The following PCDHGB1 variants were observed in gnomAD, a reference collection of about 807,000 sequenced individuals.
PCDHGB1 encodes protocadherin gamma-B1.
In PCDHGB1, 34 loss-of-function variants were observed where a neutral mutation model predicts 56.6. The observed-to-expected ratio is 0.60, with a 90% CI of 0.46 to 0.80. The LOEUF is 0.80. Among genes scored for constraint, PCDHGB1 ranks in the 30% least tolerant of loss-of-function variants. The probability of loss-of-function intolerance (pLI) is 0.00; values close to 1 mark genes in which losing one functional copy is unlikely to be tolerated. For synonymous variants in PCDHGB1, 561 were observed against 505.9 expected (o/e 1.11, Z -1.46); for missense variants, 1,278 against 1,204.6 (o/e 1.06, Z -0.90).
In PCDHGB1 at chr5:141,360,676, G is replaced by T. The variant is rs993703325; in HGVS notation, c.2409+8007G>T. The T allele has an allele frequency of 8.1e-6, 13 of 1,613,834 alleles. No individual in the cohort carries two copies. Among genetic ancestry groups the T allele is most frequent in the African/African-American group, 1.3e-5 (1 of 74,924 alleles). On this transcript the variant is annotated intron_variant, in intron 1 of 3. Transcript: ENST00000523390. ...TAATGACAACGAGTACTTTGATCTC[G>T]CTGAGAAACAGACTCCAGATGGTCG...
At chr5:141,423,940 G>T in intron 1 of PCDHGB1, 1 of 1,217,216 alleles carries the variant, frequency 8.2e-7, no homozygotes, top group Non-Finnish European at 1.0e-6. Context: ...TTTGAAGTAA[G>T]TTGAATTTTA....
At position 141,476,112 on chromosome 5, in the gene PCDHGB1, G is replaced by A. The variant is rs1201449171; in HGVS notation, c.2410-18695G>A. 2.5e-6 allele frequency: 4 copies of A among 1,590,646 alleles called. No homozygotes were observed. Among genetic ancestry groups the A allele is most frequent in the Non-Finnish European group, 2.6e-6 (3 of 1,170,830 alleles). ...CCCCGCTGAGAGGAACTGCTTTTGA[G>A]TGAGATGGTCCCAGAGGCCTGGAGG... On this transcript the variant is annotated intron_variant, in intron 1 of 3. Transcript: ENST00000523390. The surrounding 1 kb of genome is among the most constrained non-coding windows in gnomAD (Gnocchi z 7.6).
rs752412467 is a variant in PCDHGB1 at position 141,405,390 on chromosome 5, TTTTC to T, written c.2409+52733_2409+52736del. On this transcript the variant is annotated intron_variant, in intron 1 of 3. Transcript: ENST00000523390. ...CCTTTGGTTCCGGTGAGTTCATTTTTTTTCTTTCTTTCTTTTCTTTTTTTGTTTT... is the reference window on the plus strand; with the variant it reads ...CCTTTGGTTCCGGTGAGTTCATTTTTTTTCTTTCTTTTCTTTTTTTGTTTT... 1.6e-5 allele frequency: 26 copies of T among 1,600,118 alleles called. No homozygotes were observed. The East Asian group carries it at 1.8e-4, about 11-fold the overall frequency.
At position 141,414,719 on chromosome 5, in the gene PCDHGB1, C is replaced by T. The variant is rs1361757630; in HGVS notation, c.2409+62050C>T. On this transcript the variant is annotated intron_variant, in intron 1 of 3. Transcript: ENST00000523390. ...TCATACATATCCATCAACTCAGACA[C>T]TGGCGTCCTGTATGCACTCAGATCC... The T allele has an allele frequency of 1.2e-6, 2 of 1,614,050 alleles. No individual in the cohort carries two copies. Among genetic ancestry groups the T allele is most frequent in the African/African-American group, 1.3e-5 (1 of 74,934 alleles).
At position 141,490,982 on chromosome 5, in the gene PCDHGB1, G is replaced by T; in HGVS notation, c.2410-3825G>T. ...CACTCAGCCCCCCAGCGTCTCCCTC[G>T]CTCTGCTCCTCCTGGCTCCTTGGTC... On this transcript the variant is annotated intron_variant, in intron 1 of 3. Coordinates refer to ENST00000523390, the MANE Select transcript of PCDHGB1 (RefSeq NM_018922.3). This position sits in a 1 kb window ranked among gnomAD's most constrained non-coding sequence, Gnocchi z 5.4. 1.2e-6 allele frequency: 2 copies of T among 1,613,994 alleles called. No individual in the cohort carries two copies. The highest frequency in any genetic ancestry group is 1.7e-6 in the Non-Finnish European group (2 of 1,180,002).
chr5:141,357,368 G>T, intron 1 of PCDHGB1: 1 of 1,614,156 alleles, frequency 6.2e-7, no homozygotes, highest in Non-Finnish European at 8.5e-7. Context: ...CACAAGTCAC[G>T]CCTGCTTCAC....
At chr5:141,404,580 G>C (rs769739876) in intron 1 of PCDHGB1, 2 of 1,613,866 alleles carry the variant, frequency 1.2e-6, no homozygotes, top group Non-Finnish European at 1.7e-6. Context: ...CCACCACTTA[G>C]CAGCAATGTG....
intron 1 of PCDHGB1, chr5:141,410,478 C>T (rs767257836): frequency 1.9e-6 from 3 of 1,613,992 alleles, no homozygotes; most frequent in Non-Finnish European, 2.5e-6. Flanking sequence ...ATTGCACATA[C>T]GGGTACAAAA....
intron 1 of PCDHGB1, chr5:141,415,325 C>G: frequency 6.2e-7 from 1 of 1,614,212 alleles, no homozygotes; most frequent in Non-Finnish European, 8.5e-7. Flanking sequence ...GTGCTGCTGG[C>G]GCACAGGCTG....
intron 1 of PCDHGB1, among the ~76,000 whole-genome samples, chr5:141,363,487 A>G (rs1467927286): frequency 6.6e-6 from 1 of 152,248 alleles, no homozygotes; most frequent in African/African-American, 2.4e-5. Context: ...TGCATGGATG[A>G]TGAAATAAAA....
At chr5:141,376,200 C>A (rs1220789915) in intron 1 of PCDHGB1, 2 of 1,614,086 alleles carry the variant, frequency 1.2e-6, no homozygotes, top group Non-Finnish European at 1.7e-6. Context: ...GTCTTCCTGG[C>A]CTTCGTCATC....
intron 1 of PCDHGB1, chr5:141,377,028 G>A (rs776077319): frequency 2.5e-4 from 39 of 154,858 alleles, no homozygotes; most frequent in Admixed American, 6.4e-5. Context: ...ATTCAAGATT[G>A]TCTTTGATTA....
chr5:141,357,725 T>TTCTATAAAGCAA, intron 1 of PCDHGB1: 9 of 1,394,618 alleles, frequency 6.5e-6, no homozygotes, highest in Middle Eastern at 3.8e-4. Flanking sequence ...GTTGCCTCTT[T>TTCTATAAAGCAA]TAATATTTTA....
intron 1 of PCDHGB1, chr5:141,424,728 G>A (rs907091181): frequency 1.3e-5 from 2 of 152,102 alleles, no homozygotes; most frequent in African/African-American, 2.4e-5. Flanking sequence ...GGGAGTCATA[G>A]ATTCCTTCTT....
At chr5:141,414,844 C>T (rs769714220) in intron 1 of PCDHGB1, 3 of 1,614,216 alleles carry the variant, frequency 1.9e-6, no homozygotes, top group South Asian at 2.2e-5. Flanking sequence ...CCTGTTTGTG[C>T]TGGACCAGAA....
chr5:141,476,553 A>G lies in PCDHGB1; in HGVS notation c.2410-18254A>G. On this transcript the variant is annotated intron_variant, in intron 1 of 3. Coordinates refer to ENST00000523390, the MANE Select transcript of PCDHGB1 (RefSeq NM_018922.3). The surrounding 1 kb of genome is among the most constrained non-coding windows in gnomAD (Gnocchi z 7.6). ...CAGGAAATGAAATTGGAGATTAGCG[A>G]GGCCGTGGCTCCGGGGACGCGCTTT... The G allele has an allele frequency of 1.2e-6, 2 of 1,614,226 alleles. No homozygotes were observed. The highest frequency in any genetic ancestry group is 1.7e-6 in the Non-Finnish European group (2 of 1,180,040).
At chr5:141,361,031 G>A (rs756552774) in intron 1 of PCDHGB1, 27 of 1,613,172 alleles carry the variant, frequency 1.7e-5, no homozygotes, top group Non-Finnish European at 2.1e-5. Context: ...GAAAAAACAG[G>A]AGAAATCACG....
intron 1 of PCDHGB1, chr5:141,427,298 G>C (rs960474831): frequency 4.4e-6 from 2 of 456,752 alleles, no homozygotes; most frequent in East Asian, 1.4e-4. Context: ...TCCTAGATGA[G>C]AATGACAATG....
intron 1 of PCDHGB1, chr5:141,417,232 G>A (rs997894028): frequency 6.6e-6 from 1 of 152,072 alleles, no homozygotes; most frequent in Admixed American, 6.6e-5. Context: ...AAAATTTGTT[G>A]CTTATCTTCA....
Sources: gnomAD v4.1 joint callset for allele counts (sites outside exome capture counted in the v4.1 genomes callset) on GRCh38, gnomAD v4.1.1 for gene constraint, Gnocchi (gnomAD v3.1) non-coding constraint, MANE v1.5 for transcripts, NCBI Gene and HGNC (gene_info 2026-07-23, HGNC 2026-07-21) for gene names.